NTNG1: variants seen among roughly 807,000 people sequenced by gnomAD.
The protein encoded by NTNG1 is netrin-G1.
Under a neutral mutation model 54.0 loss-of-function variants are expected in NTNG1, and 16 were observed. The ratio of observed to expected loss-of-function variants is 0.30; its 90% confidence interval spans 0.20 to 0.45. The LOEUF (loss-of-function observed/expected upper bound fraction) is 0.45. Among genes scored for constraint, NTNG1 ranks in the 20% least tolerant of loss-of-function variants. The probability of loss-of-function intolerance (pLI) is 1.00; values close to 1 mark genes in which losing one functional copy is unlikely to be tolerated. For missense variants in NTNG1, 530 were observed against 678.7 expected, an observed-to-expected ratio of 0.78 and a Z score of 2.43; for synonymous variants, 255 against 263.1, an observed-to-expected ratio of 0.97 and a Z score of 0.30.
chr1:107,397,264 C>G (rs1191392113), intron 4 of NTNG1, among the ~76,000 whole-genome samples: 1 of 152,104 alleles, frequency 6.6e-6, no homozygotes, highest in East Asian at 1.9e-4. Flanking sequence ...CAAAGGGGTT[C>G]AATTCAATAT....
At chr1:107,430,171 C>T (rs1675168913) in intron 5 of NTNG1, among the ~76,000 whole-genome samples, 1 of 152,128 alleles carries the variant, frequency 6.6e-6, no homozygotes, top group African/African-American at 2.4e-5. Context: ...AAGCCATCTT[C>T]TCTTAGCATT....
At chr1:107,410,206 G>T (rs942996654) in intron 5 of NTNG1, 1 of 152,044 alleles carries the variant, frequency 6.6e-6, no homozygotes, top group Non-Finnish European at 1.5e-5. Context: ...GAAAATAAAT[G>T]ATGTATATTA....
chr1:107,324,724 C>T lies in NTNG1; in HGVS notation c.689C>T (p.Ala230Val), dbSNP rs386352339. 3 of 1,613,512 alleles carry T rather than the reference C, an allele frequency of 1.9e-6. No individual in the cohort carries two copies. The highest frequency in any genetic ancestry group is 1.7e-5 in the Admixed American group (1 of 59,884). Residue 230 changes from alanine (A) to valine (V), a missense_variant, in exon 3 of 8, where the codon GCG (alanine) becomes GTG (valine). Transcript: ENST00000370068. The part of the protein sequence containing the change: ...IIHFEIKDRF[A>V]FFAGPRLRNM... ...CACTTTGAAATCAAAGACAGGTTCG[C>T]GTTTTTTGCTGGACCTCGCCTACGC...
chr1:107,270,824 G>C (rs1664096320), intron 2 of NTNG1, among the ~76,000 whole-genome samples: 1 of 149,680 alleles, frequency 6.7e-6, no homozygotes, highest in African/African-American at 2.5e-5. Context: ...TATTACATTT[G>C]CTGGAAAGTT....
chr1:107,180,418 C>T (rs1244656780), intron 2 of NTNG1, among the ~76,000 whole-genome samples: 1 of 152,066 alleles, frequency 6.6e-6, no homozygotes, highest in African/African-American at 2.4e-5. Flanking sequence ...TCAGTAAGCA[C>T]ATATAAACAT....
At chr1:107,349,950 T>G (rs1000727405) in intron 3 of NTNG1, among the ~76,000 whole-genome samples, 1 of 152,202 alleles carries the variant, frequency 6.6e-6, no homozygotes, top group Admixed American at 6.5e-5. Flanking sequence ...AAGGGATAGG[T>G]AAGAAGCACA....
At chr1:107,306,503 C>T (rs1666704479) in intron 2 of NTNG1, among the ~76,000 whole-genome samples, 2 of 152,174 alleles carry the variant, frequency 1.3e-5, no homozygotes, top group African/African-American at 4.8e-5. Context: ...GTAATCCCAG[C>T]ACTTTGGGAG....
chr1:107,480,220 T>C (rs1045770150), intron 7 of NTNG1, among the ~76,000 whole-genome samples: 1 of 152,086 alleles, frequency 6.6e-6, no homozygotes, highest in Non-Finnish European at 1.5e-5. Flanking sequence ...ACCATTCATC[T>C]GGCTTCAAAG....
At chr1:107,449,373 T>A (rs1159193014) in intron 7 of NTNG1, among the ~76,000 whole-genome samples, 1 of 151,902 alleles carries the variant, frequency 6.6e-6, no homozygotes, top group Non-Finnish European at 1.5e-5. Context: ...TTTACAAAAC[T>A]CCCTAGGTGA....
At chr1:107,370,487 G>A (rs928371175) in intron 3 of NTNG1, among the ~76,000 whole-genome samples, 1 of 151,794 alleles carries the variant, frequency 6.6e-6, no homozygotes, top group African/African-American at 2.4e-5. Context: ...AACCCAATTT[G>A]TAGTCTTTTA....
chr1:107,452,936 G>A (rs558571669), intron 7 of NTNG1, among the ~76,000 whole-genome samples: 3 of 152,172 alleles, frequency 2.0e-5, no homozygotes, highest in Admixed American at 1.3e-4. Context: ...GAGGAGGTAC[G>A]TGACAATCCC....
At chr1:107,340,312 C>G (rs1379114933) in intron 3 of NTNG1, among the ~76,000 whole-genome samples, 1 of 151,972 alleles carries the variant, frequency 6.6e-6, no homozygotes, top group Non-Finnish European at 1.5e-5. Flanking sequence ...TTCAGACACA[C>G]AGAAATACTG....
intron 3 of NTNG1, among the ~76,000 whole-genome samples, chr1:107,326,338 T>G (rs2101884617): frequency 6.6e-6 from 1 of 152,280 alleles, no homozygotes; most frequent in Admixed American, 6.5e-5. Flanking sequence ...TTGTGAGTTC[T>G]AAGCTGTAGA....
At chr1:107,186,187 G>A (rs1209707111) in intron 2 of NTNG1, among the ~76,000 whole-genome samples, 1 of 152,106 alleles carries the variant, frequency 6.6e-6, no homozygotes, top group Non-Finnish European at 1.5e-5. Context: ...TGCTCCACAA[G>A]ACATGATTTC....
intron 2 of NTNG1, among the ~76,000 whole-genome samples, chr1:107,235,782 G>A (rs1441877824): frequency 6.6e-6 from 1 of 152,118 alleles, no homozygotes; most frequent in Non-Finnish European, 1.5e-5. Context: ...AATATATTGG[G>A]AATGCTGCAG....
intron 4 of NTNG1, among the ~76,000 whole-genome samples, chr1:107,404,225 A>G (rs1673252497): frequency 6.6e-6 from 1 of 152,052 alleles, no homozygotes. Flanking sequence ...ACAAATACAA[A>G]TGAGAGTATC....
intron 7 of NTNG1, among the ~76,000 whole-genome samples, chr1:107,445,955 G>A (rs1676282600): frequency 6.6e-6 from 1 of 151,982 alleles, no homozygotes; most frequent in Non-Finnish European, 1.5e-5. Flanking sequence ...TTAGTTCATA[G>A]GCCATTGTAA....
chr1:107,475,075 A>G (rs1318686962), intron 7 of NTNG1, among the ~76,000 whole-genome samples: 1 of 152,190 alleles, frequency 6.6e-6, no homozygotes, highest in Non-Finnish European at 1.5e-5. Context: ...AAACCCTAGG[A>G]TGAGTAACAA....
intron 2 of NTNG1, among the ~76,000 whole-genome samples, chr1:107,202,134 T>C (rs4915027): frequency 0.98 from 148,510 of 151,766 alleles, 72,742 homozygotes; most frequent in East Asian, 1. Flanking sequence ...TTTTGCCTTT[T>C]CATGTAATTT....
Sources: allele counts gnomAD v4.1 joint callset (sites outside exome capture counted in the v4.1 genomes callset), GRCh38; gene constraint gnomAD v4.1.1; transcripts MANE v1.5; gene names NCBI Gene and HGNC (gene_info 2026-07-23, HGNC 2026-07-21).